The following CD72 variants were observed in gnomAD, a reference collection of about 807,000 sequenced individuals.
CD72 encodes the protein B-cell differentiation antigen CD72.
CD72 carries 28 observed loss-of-function variants against 50.7 expected under a neutral mutation model. The ratio of observed to expected loss-of-function variants is 0.55; its 90% CI spans 0.41 to 0.76. CD72 has a LOEUF of 0.76. Ranked by LOEUF, CD72 falls within the 30% of genes least tolerant of loss-of-function variation. The pLI is 0.00. For synonymous variants in CD72, 176 were observed against 171.2 expected (o/e 1.03, Z -0.22); for missense variants, 403 against 420.6 (o/e 0.96, Z 0.37).
chr9:35,633,435 A>G (rs1823264401), intron 1 of CD72, among the ~76,000 whole-genome samples: 1 of 152,122 alleles, frequency 6.6e-6, no homozygotes, highest in African/African-American at 2.4e-5. Flanking sequence ...ATACAGGGTA[A>G]TTGAGAGAGT....
intron 1 of CD72, among the ~76,000 whole-genome samples, chr9:35,641,892 T>G (rs1220269927): frequency 6.6e-6 from 1 of 152,192 alleles, no homozygotes; most frequent in East Asian, 1.9e-4. Flanking sequence ...CCTTGGAAGT[T>G]AGGAATTCCC....
chr9:35,610,861 A>G, intron 7 of CD72, 108 bp from the exon 8 acceptor site: 1 of 836,392 alleles, frequency 1.2e-6, no homozygotes, highest in East Asian at 2.5e-5. Context: ...CTGCCTGCCT[A>G]AGGCCACATC....
rs1268349772 is a variant in CD72, at chr9:35,617,132, C to A, written c.262+44G>T. 5.2e-6 allele frequency: 8 copies of A among 1,549,502 alleles called. No individual in the cohort carries two copies. In the Admixed American group the frequency reaches 1.4e-4, roughly 27 times the overall value. ...CAGCGCCATCCGCAGCCGGGACAGG[C>A]GCGAGCACTTGGCCCCGCGGCTGCC... On this transcript the variant is annotated intron_variant, in intron 3 of 8. Transcript: ENST00000259633.
At chr9:35,619,241 G>A (rs1823118972), upstream of CD72, among the ~76,000 whole-genome samples, 1 of 152,166 alleles carries the variant, frequency 6.6e-6, no homozygotes. Context: ...CATAGGTGGT[G>A]GGGGCCTGGC....
chr9:35,624,960 T>C (rs1426206015), intron 1 of CD72, among the ~76,000 whole-genome samples: 6 of 152,172 alleles, frequency 3.9e-5, no homozygotes, highest in Non-Finnish European at 7.3e-5. Flanking sequence ...CTATTCCCTG[T>C]CTTGCTCCCT....
At chr9:35,638,830 C>A (rs1823314256) in intron 1 of CD72, among the ~76,000 whole-genome samples, 1 of 151,896 alleles carries the variant, frequency 6.6e-6, no homozygotes, top group Admixed American at 6.6e-5. Flanking sequence ...CCAGGTATAG[C>A]TAGGCGAGAT....
intron 1 of CD72, among the ~76,000 whole-genome samples, chr9:35,625,583 T>C (rs2131777738): frequency 6.6e-6 from 1 of 152,356 alleles, no homozygotes; most frequent in Middle Eastern, 3.4e-3. Flanking sequence ...CAACAGATTT[T>C]CAATGCAAAC....
At chr9:35,634,141 C>T (rs1823269908) in intron 1 of CD72, among the ~76,000 whole-genome samples, 1 of 151,720 alleles carries the variant, frequency 6.6e-6, no homozygotes, top group Admixed American at 6.6e-5. Context: ...GTTGTTAACT[C>T]TTCTTTTTTT....
intron 1 of CD72, chr9:35,642,511 T>C (rs969990078): frequency 2.6e-5 from 4 of 152,226 alleles, no homozygotes; most frequent in Non-Finnish European, 5.9e-5. Context: ...TCAATTTCCT[T>C]ACTCAGGTAT....
intron 1 of CD72, among the ~76,000 whole-genome samples, chr9:35,631,297 G>A (rs377139596): frequency 2.6e-5 from 4 of 152,018 alleles, no homozygotes; most frequent in South Asian, 2.1e-4. Flanking sequence ...CTTTTCAGAT[G>A]AGCGTAACAA....
chr9:35,619,704 G>A (rs759127859), upstream of CD72, among the ~76,000 whole-genome samples: 18 of 152,218 alleles, frequency 1.2e-4, no homozygotes, highest in Admixed American at 2.0e-4. Flanking sequence ...CCAGGACTTT[G>A]CAGTCTGTTA....
At chr9:35,628,608 G>T (rs1183310920) in intron 1 of CD72, among the ~76,000 whole-genome samples, 1 of 152,240 alleles carries the variant, frequency 6.6e-6, no homozygotes, top group African/African-American at 2.4e-5. Flanking sequence ...AAGCCCAGAG[G>T]CTAAGGGCAG....
intron 4 of CD72, 111 bp downstream of exon 4, chr9:35,616,489 A>G: frequency 1.0e-6 from 1 of 982,400 alleles, no homozygotes; most frequent in Non-Finnish European, 1.6e-6. Flanking sequence ...ACCCAAAGCT[A>G]AGGAGGTGGT....
intron 1 of CD72, among the ~76,000 whole-genome samples, chr9:35,626,338 T>C (rs1233240588): frequency 6.6e-6 from 1 of 152,006 alleles, no homozygotes; most frequent in Admixed American, 6.6e-5. Context: ...GTGACTGAAT[T>C]GGTGCAATCT....
Position 35,612,895 on chromosome 9 carries a change from T to G in CD72, c.787A>C (p.Thr263Pro), listed in dbSNP as rs1587900358. ...NWQESQKQCE[T>P]LSSKLATFSE... ...AATGTGGCCAGCTTGGAAGACAGAGTTTCACATTGTTTTTGGCTCTCCTGC... is the reference window on the plus strand; with the variant it reads ...AATGTGGCCAGCTTGGAAGACAGAGGTTCACATTGTTTTTGGCTCTCCTGC... Residue 263 changes from threonine to proline, a missense_variant, in exon 6 of 9, where the codon ACT (threonine) becomes CCT (proline). By Grantham distance (38) the Thr-to-Pro change is conservative (BLOSUM62 -1). Transcript: ENST00000259633. 2 of 1,614,030 alleles carry G rather than the reference T, an allele frequency of 1.2e-6. No individual in the cohort carries two copies. Among genetic ancestry groups the G allele is most frequent in the Non-Finnish European group, 1.7e-6 (2 of 1,180,000 alleles).
Position 35,618,341 on chromosome 9 carries a change from C to T in CD72, c.-38G>A, listed in dbSNP as rs1484395671. The T allele has an allele frequency of 1.2e-6, 2 of 1,613,504 alleles. No individual in the cohort carries two copies. The highest frequency in any genetic ancestry group is 2.7e-5 in the African/African-American group (2 of 74,948). On this transcript the variant is annotated 5_prime_UTR_variant, in exon 1 of 9. It removes an upstream start codon present in the reference 5' UTR. Transcript: ENST00000259633. ...CTCTGCCCCCACTCGTCTTCCCTGTCATCCACTGTCCTCCCTTGCCCCTCT... is the reference window on the plus strand; with the variant it reads ...CTCTGCCCCCACTCGTCTTCCCTGTTATCCACTGTCCTCCCTTGCCCCTCT...
intron 1 of CD72, among the ~76,000 whole-genome samples, chr9:35,635,925 T>C (rs1182433389): frequency 6.6e-6 from 1 of 152,198 alleles, no homozygotes; most frequent in Non-Finnish European, 1.5e-5. Flanking sequence ...TCTCTTGCTC[T>C]AAGAGGTCTA....
intron 6 of CD72, 68 bp from the exon 7 acceptor site, chr9:35,611,987 C>T: frequency 1.2e-6 from 1 of 867,398 alleles, no homozygotes; most frequent in Non-Finnish European, 2.0e-6. Flanking sequence ...AAAATGCACA[C>T]CCTAGGGAGG....
At chr9:35,629,734 G>A (rs1020574667) in intron 1 of CD72, among the ~76,000 whole-genome samples, 2 of 152,152 alleles carry the variant, frequency 1.3e-5, no homozygotes, top group South Asian at 2.1e-4. Context: ...CTTTGATGAC[G>A]CGAATGTCCT....
Sources: gnomAD v4.1 joint callset for allele counts (sites outside exome capture counted in the v4.1 genomes callset) on GRCh38, gnomAD v4.1.1 for gene constraint, MANE v1.5 for transcripts, NCBI Gene and HGNC (gene_info 2026-07-23, HGNC 2026-07-21) for gene names.